The following LSAMP variants were observed in gnomAD, a reference collection of about 807,000 sequenced individuals.
The protein encoded by LSAMP is limbic system-associated membrane protein.
A neutral mutation model predicts 38.6 loss-of-function variants in LSAMP; 7 were observed. The ratio of observed to expected loss-of-function variants is 0.18; its 90% CI spans 0.10 to 0.34. The LOEUF is 0.34. LSAMP is among the 10% of genes least tolerant of loss of function. The pLI is 1.00. For synonymous variants in LSAMP, 154 were observed against 166.8 expected (o/e 0.92, Z 0.59); for missense variants, 313 against 420.0 (o/e 0.75, Z 2.23).
chr3:115,998,937 C>CA (rs752146080), intron 3 of LSAMP, among the ~76,000 whole-genome samples: 3 of 151,892 alleles, frequency 2.0e-5, no homozygotes, highest in Non-Finnish European at 4.4e-5. Context: ...AGTCACCCTT[C>CA]AAAAAATAAA....
chr3:116,277,774 GGTTGTGGCT>G (rs2047075409), intron 1 of LSAMP, among the ~76,000 whole-genome samples: 1 of 152,160 alleles, frequency 6.6e-6, no homozygotes, highest in South Asian at 2.1e-4. Flanking sequence ...CTGTTGTAAA[GGTTGTGGCT>G]GTCCCTGGAC....
At chr3:116,020,707 G>A (rs1007980643) in intron 2 of LSAMP, among the ~76,000 whole-genome samples, 1 of 152,128 alleles carries the variant, frequency 6.6e-6, no homozygotes, top group Non-Finnish European at 1.5e-5. Flanking sequence ...GGCTTAAGTG[G>A]GGAGTGAATT....
At chr3:116,116,671 C>G (rs1708756783) in intron 1 of LSAMP, among the ~76,000 whole-genome samples, 1 of 151,538 alleles carries the variant, frequency 6.6e-6, no homozygotes, top group Admixed American at 6.6e-5. Context: ...GAGCTGAGAT[C>G]GCGCCACTGC....
chr3:116,207,802 G>T (rs555398228), intron 1 of LSAMP, among the ~76,000 whole-genome samples: 2 of 152,116 alleles, frequency 1.3e-5, no homozygotes, highest in Non-Finnish European at 2.9e-5. Context: ...TTCCCTTTGA[G>T]GGTAACCCGA....
At chr3:116,388,326 T>TTTTG (rs1163290403) in intron 1 of LSAMP, among the ~76,000 whole-genome samples, 5 of 152,140 alleles carry the variant, frequency 3.3e-5, no homozygotes, top group Non-Finnish European at 2.9e-5. Flanking sequence ...GTTGAGTGTT[T>TTTTG]TTTGTTTGTT....
chr3:116,220,534 G>A (rs1378264477), intron 1 of LSAMP, among the ~76,000 whole-genome samples: 3 of 152,112 alleles, frequency 2.0e-5, no homozygotes, highest in Non-Finnish European at 2.9e-5. Flanking sequence ...TGACTATTGG[G>A]ACTTAGGGAC....
chr3:115,858,726 G>A (rs377017911), intron 3 of LSAMP, among the ~76,000 whole-genome samples: 9 of 152,180 alleles, frequency 5.9e-5, no homozygotes, highest in African/African-American at 2.2e-4. Flanking sequence ...GTATATGTGT[G>A]TATATTTGTG....
chr3:116,382,227 C>G (rs574155788), intron 1 of LSAMP, among the ~76,000 whole-genome samples: 1 of 151,978 alleles, frequency 6.6e-6, no homozygotes, highest in Non-Finnish European at 1.5e-5. Flanking sequence ...TGGAACTATT[C>G]ACAATAGCAA....
chr3:115,977,534 T>A lies in LSAMP; in HGVS notation c.514+41981A>T, dbSNP rs73149071. Among the ~76,000 whole-genome samples the A allele has an allele frequency of 1.9e-3, 282 of 152,282 alleles. 1 individual carries two copies. The highest frequency in any genetic ancestry group is 3.4e-3 in the Non-Finnish European group (231 of 68,020). The stretch of plus-strand genomic sequence containing the variant: ...TTACTTTACACCTTCCCAATTCAAT[T>A]CCTTTGCTCAGATTTTGTCCTTTGC... On this transcript the variant is annotated intron_variant, in intron 3 of 6. Coordinates refer to ENST00000490035, the MANE Select transcript of LSAMP (RefSeq NM_002338.5).
intron 3 of LSAMP, among the ~76,000 whole-genome samples, chr3:115,875,047 C>A (rs1276530813): frequency 6.6e-6 from 1 of 152,020 alleles, no homozygotes; most frequent in Non-Finnish European, 1.5e-5. Context: ...AACATCGTTT[C>A]TTTTATTTCT....
At chr3:116,002,476 G>A (rs138461786) in intron 3 of LSAMP, among the ~76,000 whole-genome samples, 9 of 152,276 alleles carry the variant, frequency 5.9e-5, no homozygotes, top group African/African-American at 1.9e-4. Flanking sequence ...CGCAGTTTTG[G>A]TTGTCTTCCC....
At chr3:116,231,208 C>T (rs2046399158) in intron 1 of LSAMP, among the ~76,000 whole-genome samples, 1 of 152,128 alleles carries the variant, frequency 6.6e-6, no homozygotes, top group South Asian at 2.1e-4. Flanking sequence ...GATCTGATGC[C>T]TGATTTTCTT....
chr3:116,315,439 G>A (rs1036526006), intron 1 of LSAMP, among the ~76,000 whole-genome samples: 4 of 152,168 alleles, frequency 2.6e-5, no homozygotes, highest in Middle Eastern at 3.4e-3. Flanking sequence ...TGTTAGAAAT[G>A]GGGACAGAGT....
At chr3:115,904,891 T>C (rs1187894881) in intron 3 of LSAMP, among the ~76,000 whole-genome samples, 1 of 151,404 alleles carries the variant, frequency 6.6e-6, no homozygotes, top group Non-Finnish European at 1.5e-5. Context: ...CTAGGTTTTG[T>C]TGGTCCCTCT....
At chr3:116,160,494 GA>G (rs1011854794) in intron 1 of LSAMP, among the ~76,000 whole-genome samples, 3 of 150,916 alleles carry the variant, frequency 2.0e-5, no homozygotes, top group Non-Finnish European at 4.4e-5. Flanking sequence ...GAGGAAAAGA[GA>G]AGAGAAAAGG....
intron 1 of LSAMP, among the ~76,000 whole-genome samples, chr3:116,264,690 C>T (rs908992422): frequency 6.6e-6 from 1 of 152,146 alleles, no homozygotes; most frequent in African/African-American, 2.4e-5. Context: ...CAGCCTCAAG[C>T]TCCTGGGCTC....
At chr3:116,008,708 T>C (rs1218318386) in intron 3 of LSAMP, among the ~76,000 whole-genome samples, 1 of 151,866 alleles carries the variant, frequency 6.6e-6, no homozygotes, top group East Asian at 1.9e-4. Flanking sequence ...TCTCTTTTCA[T>C]GGTAGAAATG....
At chr3:116,331,891 G>C (rs963031783) in intron 1 of LSAMP, among the ~76,000 whole-genome samples, 1 of 151,964 alleles carries the variant, frequency 6.6e-6, no homozygotes, top group Non-Finnish European at 1.5e-5. Context: ...CCAAGCTAGA[G>C]TGTAGTGGTG....
chr3:116,016,062 G>C (rs1479628081), intron 3 of LSAMP, among the ~76,000 whole-genome samples: 1 of 151,660 alleles, frequency 6.6e-6, no homozygotes, highest in East Asian at 1.9e-4. Flanking sequence ...CAGCTTTGCT[G>C]TCACACAGGG....
Sources: allele counts gnomAD v4.1 joint callset (sites outside exome capture counted in the v4.1 genomes callset), GRCh38; gene constraint gnomAD v4.1.1; transcripts MANE v1.5; gene names NCBI Gene and HGNC (gene_info 2026-07-23, HGNC 2026-07-21).